TEAD1: variants seen among roughly 807,000 people sequenced by gnomAD.
TEAD1 encodes the protein TEA domain transcription factor 1, also known as transcriptional enhancer factor TEF-1.
TEAD1 carries 9 observed loss-of-function variants against 54.9 expected under a neutral mutation model. That is an observed-to-expected ratio of 0.16 (90% CI 0.10 to 0.29). The LOEUF (loss-of-function observed/expected upper bound fraction) is 0.29. Among genes scored for constraint, TEAD1 ranks in the 10% least tolerant of loss-of-function variants. The pLI is 1.00. For missense variants in TEAD1, 387 were observed against 535.9 expected, an observed-to-expected ratio of 0.72 and a Z score of 2.74; for synonymous variants, 200 against 187.8, an observed-to-expected ratio of 1.07 and a Z score of -0.53.
At chr11:12,875,686 C>G (rs1401258484) in intron 5 of TEAD1, among the ~76,000 whole-genome samples, 1 of 152,096 alleles carries the variant, frequency 6.6e-6, no homozygotes, top group Non-Finnish European at 1.5e-5. Context: ...AGAAAATTGC[C>G]TATTCTCAAA....
chr11:12,744,566 T>C (rs1944709087), intron 2 of TEAD1, among the ~76,000 whole-genome samples: 1 of 152,220 alleles, frequency 6.6e-6, no homozygotes, highest in Non-Finnish European at 1.5e-5. Context: ...TGGGTAGCAC[T>C]GATTATTATT....
chr11:12,910,747 C>CTTTTTTTTTTTTTT (rs5789752), intron 10 of TEAD1, among the ~76,000 whole-genome samples: 17 of 119,924 alleles, frequency 1.4e-4, no homozygotes, highest in African/African-American at 2.2e-4. Context: ...ACTTAATTTG[C>CTTTTTTTTTTTTTT]TTTTTTTTTT....
chr11:12,811,202 T>G (rs921144779), intron 3 of TEAD1, among the ~76,000 whole-genome samples: 3 of 152,210 alleles, frequency 2.0e-5, no homozygotes, highest in Admixed American at 1.3e-4. Flanking sequence ...AAGTAAAGCT[T>G]TCTTTCGCTG....
chr11:12,881,951 A>C lies in TEAD1; in HGVS notation c.568A>C (p.Ile190Leu). Reference sequence around the variant, plus strand: ...CATCCAGCCAGCGGTCACAGCCCCCATTCCAGGTGAGTGTCCCTGAAACTC... The same window carrying C: ...CATCCAGCCAGCGGTCACAGCCCCCCTTCCAGGTGAGTGTCCCTGAAACTC... The change falls in exon 8 of 13, where the codon ATT becomes CTT. Residue 190 changes from isoleucine (I) to leucine (L), a missense_variant. Ile to Leu is a conservative substitution (Grantham distance 5). Transcript: ENST00000527636. 1 of 1,614,118 alleles carries C rather than the reference A, an allele frequency of 6.2e-7. No homozygotes were observed. The highest frequency in any genetic ancestry group is 8.5e-7 in the Non-Finnish European group (1 of 1,180,000).
At chr11:12,827,036 G>C (rs2134011624) in intron 3 of TEAD1, among the ~76,000 whole-genome samples, 1 of 152,278 alleles carries the variant, frequency 6.6e-6, no homozygotes, top group East Asian at 1.9e-4. Flanking sequence ...GAATACCTCT[G>C]GGTGCTGGAG....
At chr11:12,746,782 G>A (rs543520222) in intron 2 of TEAD1, among the ~76,000 whole-genome samples, 83 of 152,354 alleles carry the variant, frequency 5.4e-4, no homozygotes, top group African/African-American at 1.9e-3. Context: ...CCTGGCTCTT[G>A]TGGGAGGTGA....
At position 12,941,723 on chromosome 11, in the gene TEAD1, C is replaced by G. The variant is rs760193004; in HGVS notation, c.*4501C>G. The G allele has an allele frequency of 6.6e-6, 1 of 152,604 alleles. No individual in the cohort carries two copies. The highest frequency in any genetic ancestry group is 1.5e-5 in the Non-Finnish European group (1 of 68,040). The allele number at this position is 152,604 out of a possible 1,614,324, so 9.5% of individuals were successfully genotyped here. A position where few individuals can be genotyped will look rare whatever the true frequency, so the allele number is the denominator to read the frequency against. On this transcript the variant is annotated 3_prime_UTR_variant, in exon 13 of 13. Transcript: ENST00000527636. ...CCCTGCACATGGCATTTCTGAAAAG[C>G]CTTAAATCTTTAAGATGTTGCATGT... is the stretch of plus-strand genomic sequence containing the variant.
At chr11:12,735,538 C>A (rs1944512750) in intron 2 of TEAD1, among the ~76,000 whole-genome samples, 1 of 151,782 alleles carries the variant, frequency 6.6e-6, no homozygotes, top group African/African-American at 2.4e-5. Flanking sequence ...TCTGCCCGCC[C>A]TCCTTGTCGC....
intron 2 of TEAD1, among the ~76,000 whole-genome samples, chr11:12,721,759 C>T (rs1020515373): frequency 7.2e-5 from 11 of 152,204 alleles, no homozygotes; most frequent in African/African-American, 2.4e-4. Context: ...AACATCCTAA[C>T]TCTTTAGGGT....
chr11:12,750,637 A>G (rs76429333), intron 2 of TEAD1, among the ~76,000 whole-genome samples: 3,238 of 152,178 alleles, frequency 0.021, 123 homozygotes, highest in African/African-American at 0.075. Flanking sequence ...TGCTTTTTGT[A>G]TGAAACAGTC....
At chr11:12,732,932 C>T (rs1944452165) in intron 2 of TEAD1, among the ~76,000 whole-genome samples, 1 of 152,114 alleles carries the variant, frequency 6.6e-6, no homozygotes, top group African/African-American at 2.4e-5. Context: ...AAGCTAATAC[C>T]TACTTAGGAC....
At chr11:12,787,191 C>G (rs1383426611) in intron 3 of TEAD1, among the ~76,000 whole-genome samples, 1 of 152,130 alleles carries the variant, frequency 6.6e-6, no homozygotes, top group Non-Finnish European at 1.5e-5. Flanking sequence ...CAGGGGTGGG[C>G]CATGGGATTT....
At chr11:12,802,828 A>T (rs998135438) in intron 3 of TEAD1, among the ~76,000 whole-genome samples, 2 of 152,222 alleles carry the variant, frequency 1.3e-5, no homozygotes, top group African/African-American at 4.8e-5. Context: ...GGTTGAAAGC[A>T]GTTAATTAGC....
chr11:12,764,797 C>A (rs1278070061), intron 3 of TEAD1, among the ~76,000 whole-genome samples: 3 of 151,204 alleles, frequency 2.0e-5, no homozygotes, highest in African/African-American at 7.3e-5. Flanking sequence ...CCACTTACCT[C>A]TAGGTAACTG....
Position 12,930,137 on chromosome 11 carries a change from A to G in TEAD1, c.1015-37A>G, listed in dbSNP as rs116167009. The G allele has an allele frequency of 1.5e-3, 2,344 of 1,614,044 alleles. 25 individuals are homozygous for G. In the African/African-American group the frequency reaches 0.029, roughly 20 times the overall value. On this transcript the variant is annotated intron_variant, in intron 11 of 12. Coordinates refer to ENST00000527636, the MANE Select transcript of TEAD1 (RefSeq NM_021961.6). The stretch of plus-strand genomic sequence containing the variant: ...ATCTGTTTCATGTGTTTTGGAGTCA[A>G]AAGTGTAAAAATACTGAAATCCTTT...
chr11:12,732,679 A>T (rs1347309834), intron 2 of TEAD1, among the ~76,000 whole-genome samples: 1 of 152,158 alleles, frequency 6.6e-6, no homozygotes, highest in Admixed American at 6.5e-5. Flanking sequence ...CAGACAGTGG[A>T]GGAATTCCTT....
chr11:12,695,938 T>C (rs527840885), intron 2 of TEAD1, among the ~76,000 whole-genome samples: 1 of 152,330 alleles, frequency 6.6e-6, no homozygotes, highest in Non-Finnish European at 1.5e-5. Flanking sequence ...GTGAGATTCC[T>C]GCTAAGAACT....
At chr11:12,702,501 G>A (rs985572634) in intron 2 of TEAD1, among the ~76,000 whole-genome samples, 3 of 152,124 alleles carry the variant, frequency 2.0e-5, no homozygotes, top group Admixed American at 6.5e-5. Context: ...GATAAGAATC[G>A]TTAGCCCCAT....
At chr11:12,869,625 T>C (rs547617959) in intron 5 of TEAD1, among the ~76,000 whole-genome samples, 1 of 152,338 alleles carries the variant, frequency 6.6e-6, no homozygotes, top group Admixed American at 6.5e-5. Flanking sequence ...ACAGAAAATA[T>C]ATTAAACACT....
Sources: allele counts gnomAD v4.1 joint callset (sites outside exome capture counted in the v4.1 genomes callset), GRCh38; gene constraint gnomAD v4.1.1; transcripts MANE v1.5; gene names NCBI Gene and HGNC (gene_info 2026-07-23, HGNC 2026-07-21).